The following CRNKL1 variants were observed in gnomAD, a reference collection of about 807,000 sequenced individuals.
CRNKL1 encodes the protein crooked neck-like protein 1.
Under a neutral mutation model 103.7 loss-of-function variants are expected in CRNKL1, and 35 were observed. The observed-to-expected ratio is 0.34, with a 90% CI of 0.26 to 0.45. CRNKL1 has a LOEUF of 0.45. Ranked by LOEUF, CRNKL1 falls within the 20% of genes least tolerant of loss-of-function variation. CRNKL1 has a pLI of 1.00. For missense variants in CRNKL1, 645 were observed against 836.0 expected, an observed-to-expected ratio of 0.77 and a Z score of 2.82; for synonymous variants, 267 against 282.6, an observed-to-expected ratio of 0.94 and a Z score of 0.55.
chr20:20,043,398 T>C, intron 7 of CRNKL1, 94 bp downstream of exon 7: 2 of 1,186,986 alleles, frequency 1.7e-6, no homozygotes, highest in Non-Finnish European at 1.2e-6. Flanking sequence ...TAATCACTAG[T>C]AGTGCTACTT....
chr20:20,036,245 C>T lies in CRNKL1; in HGVS notation c.2014G>A (p.Glu672Lys). 6.2e-7 allele frequency: 1 copy of T among 1,614,194 alleles called. No homozygotes were observed. The highest frequency in any genetic ancestry group is 8.5e-7 in the Non-Finnish European group (1 of 1,180,036). ...KLWKKQQQEKEDAEHHPDEDV... is the reference protein window; with the variant it reads ...KLWKKQQQEKKDAEHHPDEDV... ...TCATCTGGATGGTGCTCAGCATCCT[C>T]CTTTTCCTGCTGCTGTTTCTTCCAC... The change falls in exon 14 of 14, where the codon GAG becomes AAG. Residue 672 changes from glutamate to lysine, a missense_variant. Transcript: ENST00000536226.
Position 20,049,409 on chromosome 20 carries a change from T to C in CRNKL1, c.227A>G (p.Lys76Arg). The change falls in exon 3 of 14, where the codon AAA (lysine) becomes AGA (arginine). Residue 76 changes from lysine (K) to arginine (R), a missense_variant. This residue lies in a region of CRNKL1 where 63 missense variants were observed against 128.3 expected (regional missense o/e 0.49). Transcript: ENST00000536226. ...CCAGTTACTAATCACAGTCCTGTTT[T>C]TTCTTATATTATCTTCAAAAGTCTG... ...KRKTFEDNIR[K>R]NRTVISNWIK... 6.3e-7 allele frequency: 1 copy of C among 1,598,726 alleles called. No homozygotes were observed.
chr20:20,050,777 GA>G (rs922502410), intron 1 of CRNKL1, among the ~76,000 whole-genome samples, 155 bp from the exon 2 acceptor site: 115 of 147,440 alleles, frequency 7.8e-4, no homozygotes, highest in Middle Eastern at 3.5e-3. Context: ...AGACTGAAAA[GA>G]AAAAAAAAAT....
At chr20:20,044,050 T>C (rs910048741) in intron 6 of CRNKL1, among the ~76,000 whole-genome samples, 12 of 152,158 alleles carry the variant, frequency 7.9e-5, no homozygotes, top group Non-Finnish European at 1.6e-4. Context: ...TCCTCTTTTT[T>C]CCTCATACTC....
At chr20:20,048,144 C>T (rs1447406279) in intron 4 of CRNKL1, among the ~76,000 whole-genome samples, 199 bp downstream of exon 4, 5 of 152,102 alleles carry the variant, frequency 3.3e-5, no homozygotes, top group Admixed American at 3.3e-4. Flanking sequence ...TAAAAGATTG[C>T]AATCAAAATT....
upstream of CRNKL1, among the ~76,000 whole-genome samples, chr20:20,054,396 G>GATAT (rs34409266): frequency 3.0e-3 from 423 of 140,332 alleles, 2 homozygotes; most frequent in African/African-American, 9.6e-3. Context: ...ATGAGCTAGG[G>GATAT]ATATATATAT....
At chr20:20,044,863 C>T (rs915792272) in intron 6 of CRNKL1, among the ~76,000 whole-genome samples, 3 of 152,046 alleles carry the variant, frequency 2.0e-5, no homozygotes, top group Non-Finnish European at 1.5e-5. Context: ...GATCCTTCTG[C>T]CTCATCTTCT....
At chr20:20,045,231 T>G in intron 6 of CRNKL1, 77 bp downstream of exon 6, 2 of 1,230,204 alleles carry the variant, frequency 1.6e-6, no homozygotes, top group Non-Finnish European at 1.1e-6. Context: ...TAAGAAAAAA[T>G]GGAAATGAAC....
chr20:20,049,819 TTTC>T (rs1366300911), intron 2 of CRNKL1, among the ~76,000 whole-genome samples: 4 of 149,688 alleles, frequency 2.7e-5, no homozygotes, highest in Non-Finnish European at 4.4e-5. Flanking sequence ...TCTTTCTTTC[TTTC>T]TTTTTTTTTT....
At position 20,042,490 on chromosome 20, in the gene CRNKL1, C is replaced by G; in HGVS notation, c.999G>C (p.Trp333Cys). 1.9e-6 allele frequency: 3 copies of G among 1,613,112 alleles called. No homozygotes were observed. Among genetic ancestry groups the G allele is most frequent in the Non-Finnish European group, 2.5e-6 (3 of 1,179,606 alleles). Residue 333 changes from tryptophan (W) to cysteine (C), a missense_variant, in exon 8 of 14, where the codon TGG becomes TGC. By Grantham distance (215) the Trp-to-Cys change is radical (BLOSUM62 -2). This residue lies in a region of CRNKL1 where 582 missense variants were observed against 707.7 expected (regional missense o/e 0.82). Coordinates refer to ENST00000536226, the MANE Select transcript of CRNKL1 (RefSeq NM_001278628.2). ...TTTCTACCAAGCGCAAGTAATCAAA[C>G]CATGCATCATAATTGTGTGGATTCG... ...VKANPHNYDA[W>C]FDYLRLVESD...
chr20:20,042,851 C>T (rs761681179), intron 7 of CRNKL1, among the ~76,000 whole-genome samples: 23 of 152,184 alleles, frequency 1.5e-4, no homozygotes, highest in Non-Finnish European at 2.5e-4. Flanking sequence ...TCTGTAACAA[C>T]AGAATCGTAT....
chr20:20,037,670 G>A (rs974343963), intron 12 of CRNKL1, 99 bp from the exon 13 acceptor site: 11 of 1,124,864 alleles, frequency 9.8e-6, no homozygotes, highest in Non-Finnish European at 1.0e-5. Context: ...ACATCGGAAA[G>A]TAATGTGTGC....
intron 7 of CRNKL1, 88 bp downstream of exon 7, chr20:20,043,404 T>G: frequency 7.9e-7 from 1 of 1,261,542 alleles, no homozygotes; most frequent in Non-Finnish European, 1.1e-6. Context: ...CTAGTAGTGC[T>G]ACTTGCTATT....
intron 5 of CRNKL1, among the ~76,000 whole-genome samples, chr20:20,045,727 C>G (rs528190044): frequency 6.6e-6 from 1 of 152,102 alleles, no homozygotes; most frequent in Non-Finnish European, 1.5e-5. Flanking sequence ...GGTATAAACT[C>G]GAGTTGGAAG....
upstream of CRNKL1, chr20:20,052,700 T>C (rs1312577168): frequency 4.3e-6 from 7 of 1,611,832 alleles, no homozygotes; most frequent in Non-Finnish European, 5.1e-6. Context: ...CGAGGACGAG[T>C]GGCTCTGTCG....
At chr20:20,054,021 T>TTGTTTTTG (rs776918983), upstream of CRNKL1, among the ~76,000 whole-genome samples, 18,384 of 146,678 alleles carry the variant, frequency 0.13, 1,256 homozygotes, top group East Asian at 0.21. Flanking sequence ...TTGTTTTTTT[T>TTGTTTTTG]TTTTTTTTTT....
chr20:20,051,591 C>T (rs1237010891), intron 1 of CRNKL1, among the ~76,000 whole-genome samples: 2 of 152,126 alleles, frequency 1.3e-5, no homozygotes, highest in African/African-American at 4.8e-5. Context: ...ATTACTCCTG[C>T]GAGTCAGACA....
chr20:20,046,807 A>C (rs2043600872), intron 5 of CRNKL1, among the ~76,000 whole-genome samples: 1 of 152,224 alleles, frequency 6.6e-6, no homozygotes, highest in Non-Finnish European at 1.5e-5. Context: ...ACCAGAAGGC[A>C]AGCCTCACCT....
chr20:20,047,250 T>C (rs1013029062), intron 5 of CRNKL1, among the ~76,000 whole-genome samples: 1 of 152,204 alleles, frequency 6.6e-6, no homozygotes. Context: ...AGATAAAGTA[T>C]TCGTGAGAAA....
Sources: allele counts gnomAD v4.1 joint callset (sites outside exome capture counted in the v4.1 genomes callset), GRCh38; gene constraint gnomAD v4.1.1; regional missense constraint gnomAD v4.1.1; transcripts MANE v1.5; gene names NCBI Gene and HGNC (gene_info 2026-07-23, HGNC 2026-07-21).